Variants in FMNL2 observed in about 807,000 individuals in gnomAD.
The protein encoded by FMNL2 is formin-like protein 2.
A neutral mutation model predicts 130.2 loss-of-function variants in FMNL2; 51 were observed. The observed-to-expected ratio is 0.39, with a 90% CI of 0.31 to 0.49. The LOEUF (loss-of-function observed/expected upper bound fraction) is 0.49. Among genes scored for constraint, FMNL2 ranks in the 20% least tolerant of loss-of-function variants. FMNL2 has a pLI of 0.85. For missense variants in FMNL2, 977 were observed against 1,316.2 expected (o/e 0.74, Z 3.99); for synonymous variants, 465 against 467.1 (o/e 1.00, Z 0.06).
chr2:152,370,907 G>A (rs565598552), intron 1 of FMNL2, among the ~76,000 whole-genome samples: 2 of 152,310 alleles, frequency 1.3e-5, no homozygotes, highest in East Asian at 1.9e-4. Context: ...TCACGAGGTC[G>A]CAATCATATG....
At chr2:152,356,653 ACT>A in intron 1 of FMNL2, among the ~76,000 whole-genome samples, 1 of 150,788 alleles carries the variant, frequency 6.6e-6, no homozygotes, top group Admixed American at 6.6e-5. Flanking sequence ...GAACAAGGTG[ACT>A]CTGCTTTTTT....
chr2:152,373,938 C>G (rs1684028644), intron 1 of FMNL2, among the ~76,000 whole-genome samples: 1 of 151,600 alleles, frequency 6.6e-6, no homozygotes. Flanking sequence ...TGAGAAGAGG[C>G]TAGGAGGTGT....
intron 1 of FMNL2, among the ~76,000 whole-genome samples, chr2:152,499,169 G>C (rs895754139): frequency 6.6e-6 from 1 of 152,164 alleles, no homozygotes; most frequent in African/African-American, 2.4e-5. Flanking sequence ...CAGTGGAAAA[G>C]TGTTGATGAG....
intron 1 of FMNL2, among the ~76,000 whole-genome samples, chr2:152,438,410 G>A (rs1000802863): frequency 2.6e-5 from 4 of 152,316 alleles, no homozygotes; most frequent in African/African-American, 7.2e-5. Context: ...TTAGAGTGGG[G>A]AATGGACAGA....
At chr2:152,419,923 GC>G (rs1467937624) in intron 1 of FMNL2, among the ~76,000 whole-genome samples, 1 of 152,172 alleles carries the variant, frequency 6.6e-6, no homozygotes, top group East Asian at 1.9e-4. Flanking sequence ...CAAGACTAAT[GC>G]CAGGCATCAG....
chr2:152,423,367 T>C (rs1687017162), intron 1 of FMNL2, among the ~76,000 whole-genome samples: 2 of 152,138 alleles, frequency 1.3e-5, no homozygotes, highest in South Asian at 4.1e-4. Context: ...AAAAGGTAAA[T>C]AGATTGGCCA....
At chr2:152,436,043 GT>G (rs34447078) in intron 1 of FMNL2, among the ~76,000 whole-genome samples, 66,248 of 148,838 alleles carry the variant, frequency 0.45, 15,742 homozygotes, top group African/African-American at 0.63. Flanking sequence ...GACGTGCTTA[GT>G]TTTTTTTTTT....
intron 1 of FMNL2, among the ~76,000 whole-genome samples, chr2:152,338,856 T>A (rs144775061): frequency 1.8e-3 from 114 of 61,778 alleles, no homozygotes; most frequent in Middle Eastern, 0.021. Flanking sequence ...CACACACATA[T>A]ATGCATATGC....
At chr2:152,600,677 T>C (rs1477848676) in intron 9 of FMNL2, among the ~76,000 whole-genome samples, 2 of 152,168 alleles carry the variant, frequency 1.3e-5, no homozygotes, top group East Asian at 3.9e-4. Context: ...ATCCAAATGG[T>C]TTGGGACACT....
At chr2:152,473,058 C>G (rs1322243599) in intron 1 of FMNL2, among the ~76,000 whole-genome samples, 1 of 152,008 alleles carries the variant, frequency 6.6e-6, no homozygotes, top group Admixed American at 6.6e-5. Flanking sequence ...AGCTGTGGGC[C>G]AAGATTGGGT....
chr2:152,472,420 A>G (rs1269017519), intron 1 of FMNL2, among the ~76,000 whole-genome samples: 1 of 152,110 alleles, frequency 6.6e-6, no homozygotes, highest in Non-Finnish European at 1.5e-5. Context: ...TTTCTTTTAA[A>G]AGAACTCATT....
intron 8 of FMNL2, 127 bp downstream of exon 8, chr2:152,579,091 C>G: frequency 1.3e-6 from 1 of 750,404 alleles, no homozygotes; most frequent in Non-Finnish European, 2.1e-6. Flanking sequence ...TGGCTATAAA[C>G]TCTTTGGCTG....
At chr2:152,458,159 G>A (rs1480295636) in intron 1 of FMNL2, among the ~76,000 whole-genome samples, 1 of 152,184 alleles carries the variant, frequency 6.6e-6, no homozygotes, top group East Asian at 1.9e-4. Context: ...GGGGGGCTTG[G>A]CCCTTTCTGT....
At chr2:152,341,943 A>C (rs1681833367) in intron 1 of FMNL2, among the ~76,000 whole-genome samples, 1 of 152,206 alleles carries the variant, frequency 6.6e-6, no homozygotes, top group South Asian at 2.1e-4. Context: ...GCAGCCCAAG[A>C]AGATAGGAAG....
intron 2 of FMNL2, among the ~76,000 whole-genome samples, chr2:152,541,777 C>T (rs1694322124): frequency 6.6e-6 from 1 of 151,898 alleles, no homozygotes; most frequent in South Asian, 2.1e-4. Flanking sequence ...CTTCTTGGCT[C>T]AGCATCAGGT....
intron 21 of FMNL2, among the ~76,000 whole-genome samples, chr2:152,636,071 A>T (rs1280992498): frequency 1.3e-5 from 2 of 152,192 alleles, no homozygotes; most frequent in East Asian, 3.9e-4. Context: ...TATTCTTGTA[A>T]GAGAAATGGA....
chr2:152,567,800 A>G (rs1394607613), intron 6 of FMNL2, among the ~76,000 whole-genome samples: 1 of 152,200 alleles, frequency 6.6e-6, no homozygotes, highest in South Asian at 2.1e-4. Flanking sequence ...ACTATTCTTT[A>G]TTTATAGGTA....
intron 1 of FMNL2, among the ~76,000 whole-genome samples, chr2:152,436,794 C>T (rs1259349679): frequency 1.3e-5 from 2 of 152,130 alleles, no homozygotes; most frequent in Non-Finnish European, 2.9e-5. Context: ...GAAAGCTCCT[C>T]TCCAGTGATA....
chr2:152,375,877 C>CTCTCTCTCTATATATATATATATATATA (rs796954245), intron 1 of FMNL2, among the ~76,000 whole-genome samples: 12 of 112,470 alleles, frequency 1.1e-4, no homozygotes, highest in South Asian at 7.2e-4. Flanking sequence ...CTCTCTCTCT[C>CTCTCTCTCTATATATATATATATATATA]TATATATATA....
Sources: gnomAD v4.1 joint callset for allele counts (sites outside exome capture counted in the v4.1 genomes callset) on GRCh38, gnomAD v4.1.1 for gene constraint, MANE v1.5 for transcripts, NCBI Gene and HGNC (gene_info 2026-07-23, HGNC 2026-07-21) for gene names.